The following IWS1 variants were observed in gnomAD, a reference collection of about 807,000 sequenced individuals.
IWS1 encodes interacts with SUPT6H, CTD assembly factor 1, also known as protein IWS1 homolog.
Under a neutral mutation model 86.7 loss-of-function variants are expected in IWS1, and 27 were observed. The ratio of observed to expected loss-of-function variants is 0.31; its 90% CI spans 0.23 to 0.43. IWS1 has a LOEUF of 0.43. IWS1 is among the 20% of genes least tolerant of loss of function. IWS1 has a pLI of 1.00. For missense variants in IWS1, 827 were observed against 1,000.8 expected (o/e 0.83, Z 2.34); for synonymous variants, 313 against 335.1 (o/e 0.93, Z 0.72).
At chr2:127,521,562 G>A (rs1692095570) in intron 2 of IWS1, among the ~76,000 whole-genome samples, 1 of 152,136 alleles carries the variant, frequency 6.6e-6, no homozygotes, top group Admixed American at 6.5e-5. Context: ...GCCTACCTTA[G>A]ATGTGCTCCA....
At chr2:127,523,055 C>T (rs1204072442) in intron 2 of IWS1, among the ~76,000 whole-genome samples, 4 of 152,014 alleles carry the variant, frequency 2.6e-5, no homozygotes, top group Non-Finnish European at 5.9e-5. Flanking sequence ...ACCAAGAAAA[C>T]AAAAATAGCT....
chr2:127,525,840 C>A (rs1692376701), intron 1 of IWS1, among the ~76,000 whole-genome samples: 1 of 152,236 alleles, frequency 6.6e-6, no homozygotes, highest in Non-Finnish European at 1.5e-5. Flanking sequence ...CCCAACGCCC[C>A]TTGGATTCTC....
rs147118279 is a variant in IWS1 at position 127,518,825 on chromosome 2, C to G, written c.150+4851G>C. On this transcript the variant is annotated intron_variant, in intron 2 of 13. Coordinates refer to ENST00000295321, the MANE Select transcript of IWS1 (RefSeq NM_017969.3). ...CCTCAGGGGATCCACCCACCTCGGCCTCCTAAAGTGCTGGGATTACAGGCG... is the reference window on the plus strand; with the variant it reads ...CCTCAGGGGATCCACCCACCTCGGCGTCCTAAAGTGCTGGGATTACAGGCG... Among the ~76,000 whole-genome samples the G allele has an allele frequency of 9.5e-3, 1,439 of 152,178 alleles. 15 individuals carry two copies. The highest frequency in any genetic ancestry group is 0.033 in the African/African-American group (1,366 of 41,506).
chr2:127,484,167 G>A (rs1689804736), intron 13 of IWS1, among the ~76,000 whole-genome samples: 1 of 152,088 alleles, frequency 6.6e-6, no homozygotes, highest in Non-Finnish European at 1.5e-5. Flanking sequence ...AAGTTAGCCA[G>A]GTGTGGTGGT....
At chr2:127,481,246 T>C (rs767785597) in intron 13 of IWS1, 71 bp from the exon 14 acceptor site, 43 of 1,413,150 alleles carry the variant, frequency 3.0e-5, no homozygotes, top group Middle Eastern at 2.1e-4. Context: ...TTCATCTTCT[T>C]ATAACTGAGT....
intron 2 of IWS1, among the ~76,000 whole-genome samples, chr2:127,509,350 C>T (rs1691318367): frequency 6.6e-6 from 1 of 152,116 alleles, no homozygotes; most frequent in Admixed American, 6.5e-5. Flanking sequence ...AATAATGTAA[C>T]ACATTTCCTA....
chr2:127,501,141 A>C (rs1690785940), intron 5 of IWS1, among the ~76,000 whole-genome samples: 1 of 152,028 alleles, frequency 6.6e-6, no homozygotes, highest in South Asian at 2.1e-4. Context: ...ATCTGAGATC[A>C]TTCTTTCTTG....
At chr2:127,520,311 G>C (rs966900130) in intron 2 of IWS1, among the ~76,000 whole-genome samples, 3 of 152,144 alleles carry the variant, frequency 2.0e-5, no homozygotes, top group African/African-American at 7.2e-5. Context: ...TGGGACTACA[G>C]GCGCAAACCA....
chr2:127,505,096 G>C lies in IWS1; in HGVS notation c.807C>G (p.Pro269=), dbSNP rs1691052726. The C allele has an allele frequency of 6.2e-7, 1 of 1,610,172 alleles. No individual in the cohort carries two copies. Among genetic ancestry groups the C allele is most frequent in the African/African-American group, 1.3e-5 (1 of 74,470 alleles). ...QASDSENEEL[P]KPRISDSESE... is the part of the protein sequence containing the mutation. ...TTTCCGAATCACTGATTCGGGGTTT[G>C]GGAAGCTCTTCATTTTCTGAGTCAC... The change falls in exon 3 of 14, where the codon CCC becomes CCG. Residue 269 remains proline, a synonymous_variant. Coordinates refer to ENST00000295321, the MANE Select transcript of IWS1 (RefSeq NM_017969.3). The surrounding 1 kb of genome is among the most constrained non-coding windows in gnomAD (Gnocchi z 5.0).
intron 2 of IWS1, among the ~76,000 whole-genome samples, chr2:127,512,859 T>C (rs981226907): frequency 5.9e-5 from 9 of 152,384 alleles, no homozygotes; most frequent in South Asian, 2.1e-4. Context: ...AAAATGTTTA[T>C]TGAAAGACAT....
At chr2:127,515,224 G>A (rs116798402) in intron 2 of IWS1, among the ~76,000 whole-genome samples, 1,974 of 152,296 alleles carry the variant, frequency 0.013, 46 homozygotes, top group African/African-American at 0.045. Flanking sequence ...TGGGAAATTC[G>A]AGGGGCTGTT....
chr2:127,513,484 C>A (rs533467242), intron 2 of IWS1, among the ~76,000 whole-genome samples: 1 of 151,924 alleles, frequency 6.6e-6, no homozygotes. Flanking sequence ...ATGCTTCCAA[C>A]TAATCTATTA....
intron 3 of IWS1, among the ~76,000 whole-genome samples, chr2:127,504,377 G>GT (rs1366206374): frequency 6.6e-6 from 1 of 151,384 alleles, no homozygotes; most frequent in Non-Finnish European, 1.5e-5. Context: ...TTATGTAAAC[G>GT]TATTTCTTTG....
At chr2:127,525,221 A>G (rs1476955656) in intron 1 of IWS1, among the ~76,000 whole-genome samples, 1 of 152,162 alleles carries the variant, frequency 6.6e-6, no homozygotes, top group Non-Finnish European at 1.5e-5. Context: ...ACGCCTCCCA[A>G]AGTGCTGGGA....
In IWS1 at chr2:127,503,841, T is replaced by A. The variant is rs574816670; in HGVS notation, c.1220-265A>T. The stretch of plus-strand genomic sequence containing the variant: ...GGCCAAAAGATGAAGAAAGATATCA[T>A]CAATATAAAAGCAGCCACCTTTCCT... On this transcript the variant is annotated intron_variant, in intron 3 of 13. Coordinates refer to ENST00000295321, the MANE Select transcript of IWS1 (RefSeq NM_017969.3). 3.9e-5 allele frequency among the ~76,000 whole-genome samples: 6 copies of A among 152,246 alleles called. No homozygotes were observed. In the East Asian group the frequency reaches 1.2e-3, roughly 29 times the overall value.
At chr2:127,511,836 T>G (rs1558764132) in intron 2 of IWS1, among the ~76,000 whole-genome samples, 1 of 152,202 alleles carries the variant, frequency 6.6e-6, no homozygotes, top group African/African-American at 2.4e-5. Flanking sequence ...AAAGAACTAA[T>G]AAGAAATAGG....
intron 2 of IWS1, among the ~76,000 whole-genome samples, chr2:127,512,979 C>T (rs1453296637): frequency 1.3e-5 from 2 of 152,210 alleles, no homozygotes; most frequent in Non-Finnish European, 2.9e-5. Context: ...ATGGCTCACA[C>T]CCATAAAACC....
At chr2:127,513,041 G>C (rs1220192972) in intron 2 of IWS1, among the ~76,000 whole-genome samples, 1 of 152,210 alleles carries the variant, frequency 6.6e-6, no homozygotes, top group Non-Finnish European at 1.5e-5. Flanking sequence ...AGGAGTTCAA[G>C]ACCAGCCTGG....
chr2:127,500,344 T>C (rs993529401), intron 5 of IWS1, among the ~76,000 whole-genome samples: 1 of 152,226 alleles, frequency 6.6e-6, no homozygotes, highest in African/African-American at 2.4e-5. Flanking sequence ...ACATTTCTCT[T>C]AGATTATGGA....
Sources: gnomAD v4.1 joint callset for allele counts (sites outside exome capture counted in the v4.1 genomes callset) on GRCh38, gnomAD v4.1.1 for gene constraint, Gnocchi (gnomAD v3.1) non-coding constraint, MANE v1.5 for transcripts, NCBI Gene and HGNC (gene_info 2026-07-23, HGNC 2026-07-21) for gene names.